Variants in DKK4 observed in about 807,000 individuals in gnomAD.
DKK4 encodes dickkopf Wnt signaling pathway inhibitor 4, also known as dickkopf-related protein 4.
In DKK4, 15 loss-of-function variants were observed where a neutral mutation model predicts 14.5. The ratio of observed to expected loss-of-function variants is 1.03; its 90% CI spans 0.69 to 1.59. The LOEUF is 1.59. Ranked by LOEUF, DKK4 falls within the 40% of genes most tolerant of loss-of-function variation. The pLI is 0.00. For missense variants in DKK4, 272 were observed against 280.3 expected, an observed-to-expected ratio of 0.97 and a Z score of 0.21; for synonymous variants, 89 against 105.2, an observed-to-expected ratio of 0.85 and a Z score of 0.94.
At chr8:42,388,480 C>T in the DKK4 span, among the ~76,000 whole-genome samples, 7 of 151,302 alleles carry the variant, frequency 4.6e-5, no homozygotes, top group East Asian at 2.0e-4. Context: ...TCCACCCGCC[C>T]GAGCCTCCCA....
At chr8:42,375,567 A>C in intron 2 of DKK4, 113 bp downstream of exon 2, 4 of 1,330,440 alleles carry the variant, frequency 3.0e-6, no homozygotes, top group Non-Finnish European at 4.1e-6. Flanking sequence ...CATTTACTTC[A>C]AGCATGAATC....
chr8:42,387,965 T>C, the DKK4 span, among the ~76,000 whole-genome samples: 3 of 152,224 alleles, frequency 2.0e-5, no homozygotes, highest in Admixed American at 6.5e-5. Flanking sequence ...TCATAGCTCA[T>C]TGTAGCCTTG....
At chr8:42,377,708 C>T (rs1047683516), upstream of DKK4, among the ~76,000 whole-genome samples, 22 of 152,182 alleles carry the variant, frequency 1.4e-4, no homozygotes, top group South Asian at 6.2e-4. Flanking sequence ...AAAGAGAAAA[C>T]GCCCCCTGAT....
At chr8:42,388,930 G>A in the DKK4 span, among the ~76,000 whole-genome samples, 1 of 152,114 alleles carries the variant, frequency 6.6e-6, no homozygotes, top group Non-Finnish European at 1.5e-5. Flanking sequence ...GGTAAATTAT[G>A]CACTATGGTT....
chr8:42,386,786 G>T, the DKK4 span, among the ~76,000 whole-genome samples: 2 of 152,292 alleles, frequency 1.3e-5, no homozygotes, highest in African/African-American at 4.8e-5. Context: ...ACCATGCCAG[G>T]CCAGCCCTTT....
chr8:42,383,670 C>T, the DKK4 span, among the ~76,000 whole-genome samples: 2 of 152,208 alleles, frequency 1.3e-5, no homozygotes, highest in African/African-American at 4.8e-5. Context: ...TGGCCGGGCA[C>T]GGTGGCTCAC....
At chr8:42,387,078 C>A in the DKK4 span, among the ~76,000 whole-genome samples, 1 of 152,210 alleles carries the variant, frequency 6.6e-6, no homozygotes, top group Non-Finnish European at 1.5e-5. Context: ...CCCTGGATGG[C>A]AGCTCTGAGC....
chr8:42,375,680 C>T lies in DKK4; in HGVS notation c.262G>A (p.Asp88Asn), dbSNP rs1369831010. 5.6e-6 allele frequency: 9 copies of T among 1,613,012 alleles called. No homozygotes were observed. Among genetic ancestry groups the T allele is most frequent in the Admixed American group, 1.7e-5 (1 of 59,996 alleles). ...MCCPGTLCVNDVCTTMEDATP... is the reference protein window; with the variant it reads ...MCCPGTLCVNNVCTTMEDATP... ...CCACTGTTGGCGTTATGTCGCTCAC[C>T]GTTCACACAGAGTGTCCCAGGGCAG... Residue 88 changes from aspartate (D) to asparagine (N), a missense_variant and splice_region_variant, in exon 2 of 4, where the codon GAT becomes AAT. Asp to Asn is a conservative substitution (Grantham distance 23, BLOSUM62 1). Transcript: ENST00000220812.
the DKK4 span, among the ~76,000 whole-genome samples, chr8:42,383,283 A>G: frequency 1.3e-5 from 2 of 152,078 alleles, no homozygotes; most frequent in Admixed American, 1.3e-4. Flanking sequence ...CACAGGGGGG[A>G]TGCCAGGGTG....
the DKK4 span, among the ~76,000 whole-genome samples, chr8:42,390,945 A>G: frequency 6.6e-6 from 1 of 152,258 alleles, no homozygotes; most frequent in African/African-American, 2.4e-5. Context: ...AAACCATATG[A>G]ACATCCTCAA....
chr8:42,385,388 T>C, the DKK4 span, among the ~76,000 whole-genome samples: 1 of 151,868 alleles, frequency 6.6e-6, no homozygotes, highest in Non-Finnish European at 1.5e-5. Flanking sequence ...TGACACCCCG[T>C]CTCAAAAAAA....
In DKK4 at chr8:42,374,279, A is replaced by T; in HGVS notation, c.496T>A (p.Cys166Ser). Residue 166 changes from cysteine to serine, a missense_variant, in exon 4 of 4, where the codon TGT becomes AGT. Coordinates refer to ENST00000220812, the MANE Select transcript of DKK4 (RefSeq NM_014420.3). Reference protein sequence around the residue: ...CCARHFWTKICKPVLLEGQVC... With the variant: ...CCARHFWTKISKPVLLEGQVC... Reference sequence around the variant, plus strand: ...TGTCCCTCCAAAAGGACTGGCTTACAAATTTTCGTCCAAAAATGACGAGCA... The same window carrying T: ...TGTCCCTCCAAAAGGACTGGCTTACTAATTTTCGTCCAAAAATGACGAGCA... 6.2e-7 allele frequency: 1 copy of T among 1,612,004 alleles called. No individual in the cohort carries two copies. The highest frequency in any genetic ancestry group is 8.5e-7 in the Non-Finnish European group (1 of 1,178,944).
chr8:42,389,599 A>G, the DKK4 span, among the ~76,000 whole-genome samples: 1 of 152,192 alleles, frequency 6.6e-6, no homozygotes, highest in African/African-American at 2.4e-5. Flanking sequence ...TCAAGCAGCA[A>G]CTTGGTATTG....
chr8:42,374,854 C>CTTGCTCA lies in DKK4; in HGVS notation c.315_321dup (p.Asp108Ter). ...GTTGTTCCTTCTGCATGTGTGCCATCTTGCTCATCAAGCTGCCTTTCTAAT... is the reference window on the plus strand; with the variant it reads ...GTTGTTCCTTCTGCATGTGTGCCATCTTGCTCATTGCTCATCAAGCTGCCTTTCTAAT... On this transcript the variant is annotated stop_gained and frameshift_variant, in exon 3 of 4. Coordinates refer to ENST00000220812, the MANE Select transcript of DKK4 (RefSeq NM_014420.3). LOFTEE classifies it high-confidence loss of function. 2 of 1,614,204 alleles carry CTTGCTCA rather than the reference C, an allele frequency of 1.2e-6. No homozygotes were observed. The highest frequency in any genetic ancestry group is 1.7e-6 in the Non-Finnish European group (2 of 1,180,048).
chr8:42,379,757 G>A (rs893547608), upstream of DKK4, among the ~76,000 whole-genome samples: 3 of 152,116 alleles, frequency 2.0e-5, no homozygotes, highest in Admixed American at 2.0e-4. Flanking sequence ...GTGCAAGAGG[G>A]AGGAGGTGCA....
At chr8:42,390,642 C>G in the DKK4 span, among the ~76,000 whole-genome samples, 3 of 152,174 alleles carry the variant, frequency 2.0e-5, no homozygotes, top group Non-Finnish European at 4.4e-5. Context: ...GGATTACAGG[C>G]TGCTTCCTTT....
chr8:42,379,293 A>G (rs905902796), upstream of DKK4, among the ~76,000 whole-genome samples: 9 of 142,770 alleles, frequency 6.3e-5, no homozygotes, highest in African/African-American at 2.3e-4. Context: ...GTTCACCTGT[A>G]GTTTCAGCAA....
At chr8:42,382,513 G>A in the DKK4 span, among the ~76,000 whole-genome samples, 6 of 152,186 alleles carry the variant, frequency 3.9e-5, no homozygotes, top group East Asian at 1.9e-4. Context: ...CAAGTTTCAC[G>A]ACACAGGCCA....
chr8:42,376,919 T>C lies in DKK4; in HGVS notation c.111+16A>G. The C allele has an allele frequency of 6.2e-7, 1 of 1,609,652 alleles. No individual in the cohort carries two copies. Among genetic ancestry groups the C allele is most frequent in the Middle Eastern group, 1.7e-4 (1 of 6,058 alleles). On this transcript the variant is annotated intron_variant, in intron 1 of 3. Transcript: ENST00000220812. ...TCAGCAGTCCCGTACCTCGCCCCCC[T>C]CCCTAGCAGCCTTACCTTCCGGGCC...
Sources: gnomAD v4.1 joint callset for allele counts (sites outside exome capture counted in the v4.1 genomes callset) on GRCh38, gnomAD v4.1.1 for gene constraint, MANE v1.5 for transcripts, NCBI Gene and HGNC (gene_info 2026-07-23, HGNC 2026-07-21) for gene names.